The following ETV6 variants were observed in gnomAD, a reference collection of about 807,000 sequenced individuals.
The protein encoded by ETV6 is transcription factor ETV6.
In ETV6, 16 loss-of-function variants were observed where a neutral mutation model predicts 51.1. That is an observed-to-expected ratio of 0.31 (90% confidence interval 0.21 to 0.48). ETV6 has a LOEUF of 0.48. ETV6 is among the 20% of genes least tolerant of loss of function. The pLI is 0.99. For synonymous variants in ETV6, 240 were observed against 224.1 expected (o/e 1.07, Z -0.64); for missense variants, 458 against 594.8 (o/e 0.77, Z 2.39).
intron 1 of ETV6, among the ~76,000 whole-genome samples, chr12:11,735,895 C>T (rs955824210): frequency 6.6e-5 from 10 of 152,216 alleles, no homozygotes; most frequent in African/African-American, 1.7e-4. Context: ...CCATCGCGCC[C>T]GGCCAGCTCG....
chr12:11,848,605 T>TGTGTGC (rs1302560540), intron 3 of ETV6, among the ~76,000 whole-genome samples: 15 of 152,354 alleles, frequency 9.8e-5, no homozygotes, highest in Non-Finnish European at 1.6e-4. Context: ...TTTGTTTCTG[T>TGTGTGC]GTGTGCGTGT....
Position 11,839,140 on chromosome 12 carries a change from G to T in ETV6, c.164G>T (p.Arg55Leu), listed in dbSNP as rs1378660612. The change falls in exon 3 of 8, where the codon CGC becomes CTC. Residue 55 changes from arginine to leucine, a missense_variant and splice_region_variant. Around this residue, in one of 4 missense-constraint regions of ETV6, gnomAD observed 84 missense variants for 75.9 expected, o/e 1.11. Coordinates refer to ENST00000396373, the MANE Select transcript of ETV6 (RefSeq NM_001987.5). ...TTCTGCCTCATGCTCTCTCCAACAG[G>T]CTTGCAGCCAATTTACTGGAGCAGG... ...EDSIRLPAHLRLQPIYWSRDD... is the reference protein window; with the variant it reads ...EDSIRLPAHLLLQPIYWSRDD... 1 of 1,613,386 alleles carries T rather than the reference G, an allele frequency of 6.2e-7. No individual in the cohort carries two copies. Among genetic ancestry groups the T allele is most frequent in the Non-Finnish European group, 8.5e-7 (1 of 1,179,554 alleles).
chr12:11,804,229 A>G (rs958836474), intron 2 of ETV6, among the ~76,000 whole-genome samples: 10 of 152,308 alleles, frequency 6.6e-5, no homozygotes, highest in Admixed American at 4.6e-4. Context: ...CAAGGAATTC[A>G]CACTAGCCAG....
At chr12:11,740,914 C>T (rs931107417) in intron 1 of ETV6, among the ~76,000 whole-genome samples, 3 of 152,132 alleles carry the variant, frequency 2.0e-5, no homozygotes, top group Non-Finnish European at 4.4e-5. Context: ...ATTCAGGGAT[C>T]TTCTTAGCCC....
At chr12:11,657,979 C>A (rs1390930807) in intron 1 of ETV6, among the ~76,000 whole-genome samples, 1 of 152,232 alleles carries the variant, frequency 6.6e-6, no homozygotes, top group Non-Finnish European at 1.5e-5. Context: ...ACCCATGAAT[C>A]CTGGTTCCTG....
intron 1 of ETV6, among the ~76,000 whole-genome samples, chr12:11,678,726 A>C (rs1485303615): frequency 6.6e-6 from 1 of 152,240 alleles, no homozygotes; most frequent in Non-Finnish European, 1.5e-5. Context: ...TTGGAGACCC[A>C]GGAAAGCCAC....
chr12:11,740,669 C>T (rs1865791161), intron 1 of ETV6, among the ~76,000 whole-genome samples: 1 of 152,030 alleles, frequency 6.6e-6, no homozygotes. Flanking sequence ...ATTTTTTTTA[C>T]AGGAAGAACT....
intron 2 of ETV6, among the ~76,000 whole-genome samples, chr12:11,772,247 G>T (rs764327168): frequency 7.2e-5 from 11 of 152,178 alleles, no homozygotes; most frequent in Admixed American, 3.3e-4. Context: ...GGTTGCAAAA[G>T]GTTATTAGTT....
At chr12:11,814,544 T>TG (rs1945963855) in intron 2 of ETV6, among the ~76,000 whole-genome samples, 1 of 152,124 alleles carries the variant, frequency 6.6e-6, no homozygotes, top group Non-Finnish European at 1.5e-5. Context: ...TTAGCCCAGC[T>TG]GTGTGTGTTG....
intron 2 of ETV6, among the ~76,000 whole-genome samples, chr12:11,828,987 G>C (rs934050590): frequency 6.6e-6 from 1 of 152,130 alleles, no homozygotes. Context: ...TGGGGCCTGA[G>C]CGGGCACCTC....
intron 4 of ETV6, among the ~76,000 whole-genome samples, chr12:11,858,867 C>A (rs900407918): frequency 2.6e-5 from 4 of 152,038 alleles, no homozygotes; most frequent in African/African-American, 9.7e-5. Flanking sequence ...CAATTGATCT[C>A]AATTTTTCTT....
intron 1 of ETV6, among the ~76,000 whole-genome samples, chr12:11,666,145 C>T (rs1272245689): frequency 5.9e-5 from 9 of 152,180 alleles, no homozygotes; most frequent in African/African-American, 2.2e-4. Context: ...TCCCCCACCC[C>T]ATTCCTCTAA....
chr12:11,864,003 G>T (rs1946756012), intron 4 of ETV6, among the ~76,000 whole-genome samples: 1 of 152,164 alleles, frequency 6.6e-6, no homozygotes, highest in African/African-American at 2.4e-5. Flanking sequence ...TCCTCTTTGA[G>T]TGATATCTGT....
At chr12:11,683,134 C>T (rs1864563824) in intron 1 of ETV6, among the ~76,000 whole-genome samples, 1 of 152,216 alleles carries the variant, frequency 6.6e-6, no homozygotes, top group Admixed American at 6.5e-5. Flanking sequence ...GCTCACTACA[C>T]CCAGGTTCAA....
intron 2 of ETV6, among the ~76,000 whole-genome samples, chr12:11,784,937 C>A (rs1945464487): frequency 6.8e-6 from 1 of 146,674 alleles, no homozygotes; most frequent in Non-Finnish European, 1.5e-5. Context: ...AAACTCCCAG[C>A]CTCAAGCAAT....
rs116636116 is a variant in ETV6 at position 11,842,207 on chromosome 12, T to G, written c.328+2903T>G. Among the ~76,000 whole-genome samples, 652 of 152,172 alleles carry G rather than the reference T, an allele frequency of 4.3e-3. 10 individuals carry two copies. Among genetic ancestry groups the G allele is most frequent in the African/African-American group, 0.014 (599 of 41,542 alleles). Reference sequence around the variant, plus strand: ...ATGGTCGAACATCACTCACCATGCCTCTCCGGCTTGTCTGATTGCCTCCTC... The same window carrying G: ...ATGGTCGAACATCACTCACCATGCCGCTCCGGCTTGTCTGATTGCCTCCTC... On this transcript the variant is annotated intron_variant, in intron 3 of 7. Coordinates refer to ENST00000396373, the MANE Select transcript of ETV6 (RefSeq NM_001987.5).
intron 2 of ETV6, among the ~76,000 whole-genome samples, chr12:11,753,738 C>A (rs976112368): frequency 5.3e-5 from 8 of 152,226 alleles, no homozygotes; most frequent in African/African-American, 1.9e-4. Context: ...CTGCCGCCGG[C>A]TTATGCCTTC....
At chr12:11,764,272 T>C (rs374408345) in intron 2 of ETV6, among the ~76,000 whole-genome samples, 3 of 152,186 alleles carry the variant, frequency 2.0e-5, no homozygotes, top group South Asian at 4.2e-4. Flanking sequence ...AGGGCTGGCC[T>C]TCTCTGTGGA....
chr12:11,845,730 C>T (rs988330493), intron 3 of ETV6, among the ~76,000 whole-genome samples: 1 of 152,136 alleles, frequency 6.6e-6, no homozygotes, highest in Non-Finnish European at 1.5e-5. Context: ...CAGTGGCTCA[C>T]ACCTGTAATC....
Sources: allele counts gnomAD v4.1 joint callset (sites outside exome capture counted in the v4.1 genomes callset), GRCh38; gene constraint gnomAD v4.1.1; regional missense constraint gnomAD v4.1.1; transcripts MANE v1.5; gene names NCBI Gene and HGNC (gene_info 2026-07-23, HGNC 2026-07-21).